The following ZC3H4 variants were observed in gnomAD, a reference collection of about 807,000 sequenced individuals.
ZC3H4 encodes zinc finger CCCH-type containing 4.
Under a neutral mutation model 108.3 loss-of-function variants are expected in ZC3H4, and 13 were observed. The observed-to-expected ratio is 0.12, with a 90% CI of 0.08 to 0.19. The LOEUF (loss-of-function observed/expected upper bound fraction) is 0.19. Ranked by LOEUF, ZC3H4 falls within the 10% of genes least tolerant of loss-of-function variation. The pLI is 1.00. For missense variants in ZC3H4, 1,734 were observed against 1,838.8 expected (o/e 0.94, Z 1.04); for synonymous variants, 917 against 749.6 (o/e 1.22, Z -3.65).
chr19:47,101,584 A>G (rs560830464), intron 2 of ZC3H4, among the ~76,000 whole-genome samples: 1 of 152,160 alleles, frequency 6.6e-6, no homozygotes, highest in East Asian at 1.9e-4. Flanking sequence ...AGAAAGAAAA[A>G]AGTTCTGGCC....
intron 2 of ZC3H4, among the ~76,000 whole-genome samples, chr19:47,106,392 C>T (rs2057968401): frequency 6.6e-6 from 1 of 152,116 alleles, no homozygotes; most frequent in Admixed American, 6.6e-5. Flanking sequence ...CTGCAGTGAG[C>T]TATTAATACT....
At chr19:47,108,237 G>A (rs868524831) in intron 2 of ZC3H4, among the ~76,000 whole-genome samples, 2 of 152,040 alleles carry the variant, frequency 1.3e-5, no homozygotes, top group African/African-American at 2.4e-5. Flanking sequence ...CTCAACTCTC[G>A]GTGTGAATCG....
intron 2 of ZC3H4, chr19:47,112,128 T>C (rs1404058305): frequency 7.6e-6 from 8 of 1,057,720 alleles, no homozygotes; most frequent in Non-Finnish European, 9.1e-6. Context: ...GCGCGGGGGG[T>C]CCGAGGGGCG....
At chr19:47,100,336 C>T (rs918963944) in intron 2 of ZC3H4, among the ~76,000 whole-genome samples, 2 of 152,314 alleles carry the variant, frequency 1.3e-5, no homozygotes, top group Middle Eastern at 3.4e-3. Flanking sequence ...CTAGGTTCAT[C>T]AACCAGAAAC....
At chr19:47,071,110 G>A (rs1277750054) in intron 13 of ZC3H4, among the ~76,000 whole-genome samples, 2 of 152,146 alleles carry the variant, frequency 1.3e-5, no homozygotes, top group South Asian at 2.1e-4. Context: ...CTGGCCCACC[G>A]CCACGGTTCC....
chr19:47,096,382 G>A (rs558545971), intron 2 of ZC3H4, among the ~76,000 whole-genome samples: 3 of 152,238 alleles, frequency 2.0e-5, no homozygotes, highest in East Asian at 3.8e-4. Flanking sequence ...GTGCCTTCCC[G>A]CTGGGGTGCG....
At chr19:47,111,984 C>T (rs939334374) in intron 2 of ZC3H4, among the ~76,000 whole-genome samples, 4 of 152,160 alleles carry the variant, frequency 2.6e-5, no homozygotes, top group Non-Finnish European at 5.9e-5. Context: ...AGCCCCTCCC[C>T]CATCCCCTTC....
At chr19:47,087,634 T>G (rs2057654818) in intron 5 of ZC3H4, among the ~76,000 whole-genome samples, 1 of 152,074 alleles carries the variant, frequency 6.6e-6, no homozygotes. Flanking sequence ...ATCCCAGCAC[T>G]TTGGGAGGCC....
intron 5 of ZC3H4, 123 bp downstream of exon 5, chr19:47,089,844 C>A: frequency 1.0e-6 from 1 of 970,522 alleles, no homozygotes; most frequent in Non-Finnish European, 1.5e-6. Flanking sequence ...AGAGCCTGGC[C>A]CTTCTTTGTA....
intron 4 of ZC3H4, among the ~76,000 whole-genome samples, chr19:47,093,326 G>A (rs116703992): frequency 2.1e-3 from 318 of 151,910 alleles, no homozygotes; most frequent in African/African-American, 7.3e-3. Context: ...CTTGAAATGA[G>A]AGCGACAGTG....
chr19:47,085,448 C>A, intron 6 of ZC3H4, 34 bp from the exon 7 acceptor site: 1 of 1,526,940 alleles, frequency 6.5e-7, no homozygotes, highest in Non-Finnish European at 8.8e-7. Context: ...AGGAGAGCGT[C>A]AGGTAGGGAA....
At chr19:47,097,380 T>C (rs1385827274) in intron 2 of ZC3H4, among the ~76,000 whole-genome samples, 3 of 152,192 alleles carry the variant, frequency 2.0e-5, no homozygotes, top group Non-Finnish European at 4.4e-5. Flanking sequence ...AACAGATCAC[T>C]GCATTCTCAG....
chr19:47,112,555 C>T lies in ZC3H4; in HGVS notation c.30G>A (p.Pro10=). The T allele has an allele frequency of 3.9e-6, 4 of 1,021,392 alleles. No homozygotes were observed. The highest frequency in any genetic ancestry group is 4.8e-5 in the South Asian group (1 of 20,870). 63.3% of individuals were successfully genotyped at this position (1,021,392 alleles called of 1,614,324 possible). ...GCGGCGGCGGCGACTCTGATGGCGG[C>T]GGCGGGGGGGTCCCGGGCGCGGCCT... MEAAPGTPP[P]PPSESPPPPS... Residue 10 remains proline, a synonymous_variant, in exon 2 of 15, where the codon CCG becomes CCA. Transcript: ENST00000253048.
chr19:47,089,710 C>CG (rs200172871), intron 5 of ZC3H4, among the ~76,000 whole-genome samples: 1 of 152,050 alleles, frequency 6.6e-6, no homozygotes, highest in Non-Finnish European at 1.5e-5. Flanking sequence ...CCTTCTCCCC[C>CG]CACAGCTGAC....
In ZC3H4 at chr19:47,066,671, T is replaced by C. The variant is rs1243640458; in HGVS notation, c.3597A>G (p.Pro1199=). ...PFVRKSALEQ[P]ETGKAGADGG... is the part of the protein sequence containing the mutation. ...CATCAGCACCGGCCTTCCCTGTCTC[T>C]GGCTGTTCCAGGGCAGACTTGCGGA... The change falls in exon 15 of 15, where the codon CCA becomes CCG. Residue 1199 remains proline (P), a synonymous_variant. Coordinates refer to ENST00000253048, the MANE Select transcript of ZC3H4 (RefSeq NM_015168.2). 6.2e-7 allele frequency: 1 copy of C among 1,611,632 alleles called. No individual in the cohort carries two copies. Among genetic ancestry groups the C allele is most frequent in the African/African-American group, 1.3e-5 (1 of 74,932 alleles).
intron 13 of ZC3H4, among the ~76,000 whole-genome samples, chr19:47,071,372 C>T (rs2057322677): frequency 6.6e-6 from 1 of 152,128 alleles, no homozygotes; most frequent in Non-Finnish European, 1.5e-5. Flanking sequence ...CGGTAATGGG[C>T]ACAGAACCCG....
chr19:47,097,328 AC>A (rs1224126102), intron 2 of ZC3H4, among the ~76,000 whole-genome samples: 2 of 152,206 alleles, frequency 1.3e-5, no homozygotes, highest in Non-Finnish European at 2.9e-5. Flanking sequence ...TTGTTGTTAA[AC>A]TGCTGACGGT....
chr19:47,109,316 G>T (rs1276348616), intron 2 of ZC3H4, among the ~76,000 whole-genome samples: 1 of 152,032 alleles, frequency 6.6e-6, no homozygotes, highest in African/African-American at 2.4e-5. Flanking sequence ...AAATGCTTGG[G>T]GAAATAGTTT....
chr19:47,065,105 T>C lies in ZC3H4; in HGVS notation c.*1251A>G, dbSNP rs2057176455. 1 of 152,334 alleles carries C rather than the reference T, an allele frequency of 6.6e-6. No homozygotes were observed. The highest frequency in any genetic ancestry group is 6.5e-5 in the Admixed American group (1 of 15,280). The allele number at this position is 152,334 out of a possible 1,614,324, so 9.4% of individuals were successfully genotyped here. A position where few individuals can be genotyped will look rare whatever the true frequency, so the allele number is the denominator to read the frequency against. ...GCGCCCATCTCTCGGGCTGTGTCCA[T>C]AGGTGGGCCTCCTCCAGGGCTCTGC... On this transcript the variant is annotated 3_prime_UTR_variant, in exon 15 of 15. Coordinates refer to ENST00000253048, the MANE Select transcript of ZC3H4 (RefSeq NM_015168.2).
Sources: allele counts gnomAD v4.1 joint callset (sites outside exome capture counted in the v4.1 genomes callset), GRCh38; gene constraint gnomAD v4.1.1; transcripts MANE v1.5; gene names NCBI Gene and HGNC (gene_info 2026-07-23, HGNC 2026-07-21).